The following CNTN3 variants were observed in gnomAD, a reference collection of about 807,000 sequenced individuals.
CNTN3 encodes the protein contactin 3.
A neutral mutation model predicts 119.1 loss-of-function variants in CNTN3; 60 were observed. The observed-to-expected ratio is 0.50, with a 90% confidence interval of 0.41 to 0.62. CNTN3 has a LOEUF of 0.62. Among genes scored for constraint, CNTN3 ranks in the 20% least tolerant of loss-of-function variants. The pLI, the probability that CNTN3 is intolerant of heterozygous loss-of-function variation, is 0.00. For synonymous variants in CNTN3, 450 were observed against 438.7 expected (o/e 1.03, Z -0.32); for missense variants, 1,101 against 1,242.4 (o/e 0.89, Z 1.71).
At chr3:74,550,735 T>A (rs924803140) in intron 1 of CNTN3, among the ~76,000 whole-genome samples, 3 of 152,066 alleles carry the variant, frequency 2.0e-5, no homozygotes, top group African/African-American at 7.2e-5. Context: ...AGAGATGGGG[T>A]CTTGCCATGT....
intron 11 of CNTN3, among the ~76,000 whole-genome samples, chr3:74,347,205 A>G (rs1703712442): frequency 6.6e-6 from 1 of 152,178 alleles, no homozygotes; most frequent in Non-Finnish European, 1.5e-5. Flanking sequence ...AGCCAGCTCT[A>G]CCTCAAGAAT....
At chr3:74,560,095 C>T (rs1704130534) in intron 1 of CNTN3, among the ~76,000 whole-genome samples, 1 of 152,152 alleles carries the variant, frequency 6.6e-6, no homozygotes, top group Non-Finnish European at 1.5e-5. Flanking sequence ...CCTGCTCAGG[C>T]TGTGAAACGA....
At chr3:74,510,235 T>G (rs1284754733) in intron 2 of CNTN3, among the ~76,000 whole-genome samples, 1 of 144,864 alleles carries the variant, frequency 6.9e-6, no homozygotes, top group Non-Finnish European at 1.5e-5. Flanking sequence ...CTGTAATTTA[T>G]GCATCCAACT....
chr3:74,351,521 C>G (rs1263549562), intron 11 of CNTN3, among the ~76,000 whole-genome samples: 1 of 152,220 alleles, frequency 6.6e-6, no homozygotes, highest in Non-Finnish European at 1.5e-5. Context: ...CCACATCTTT[C>G]TGATTTCCAT....
intron 11 of CNTN3, among the ~76,000 whole-genome samples, chr3:74,339,844 G>T (rs1703487582): frequency 6.6e-6 from 1 of 151,930 alleles, no homozygotes; most frequent in African/African-American, 2.4e-5. Flanking sequence ...CAGAAAGTGT[G>T]CAGACTAATA....
intron 1 of CNTN3, among the ~76,000 whole-genome samples, chr3:74,558,151 TC>T (rs1344127044): frequency 6.6e-6 from 1 of 152,130 alleles, no homozygotes; most frequent in Non-Finnish European, 1.5e-5. Flanking sequence ...GAAAGCCCAG[TC>T]CCCTGCCTTA....
chr3:74,509,968 A>T (rs1400601896), intron 2 of CNTN3, among the ~76,000 whole-genome samples: 1 of 151,736 alleles, frequency 6.6e-6, no homozygotes, highest in Non-Finnish European at 1.5e-5. Context: ...GAAGATAGTG[A>T]CCATATTTAA....
intron 13 of CNTN3, among the ~76,000 whole-genome samples, chr3:74,323,625 T>TA (rs1306906502): frequency 2.0e-5 from 3 of 152,302 alleles, no homozygotes; most frequent in Admixed American, 6.5e-5. Context: ...ATAAAGCCAT[T>TA]AAAAAACTAC....
intron 19 of CNTN3, among the ~76,000 whole-genome samples, chr3:74,287,519 A>G (rs1475232477): frequency 1.3e-5 from 2 of 152,214 alleles, no homozygotes; most frequent in African/African-American, 4.8e-5. Context: ...TAGATTTTCA[A>G]AGACAAATAT....
rs570631106 is a variant in CNTN3 at position 74,291,300 on chromosome 3, T to C, written c.2517+3821A>G. Reference sequence around the variant, plus strand: ...CACATTTTCTTAATCCAGTCTATCATTGATGGACATTTGGGTTGGTTCCAA... The same window carrying C: ...CACATTTTCTTAATCCAGTCTATCACTGATGGACATTTGGGTTGGTTCCAA... On this transcript the variant is annotated intron_variant, in intron 19 of 22. Transcript: ENST00000263665. 3.0e-3 allele frequency among the ~76,000 whole-genome samples: 460 copies of C among 152,294 alleles called. 1 individual carries two copies. Among genetic ancestry groups the C allele is most frequent in the Non-Finnish European group, 5.2e-3 (351 of 68,030 alleles).
chr3:74,585,732 A>G (rs1293457898), intron 1 of CNTN3, among the ~76,000 whole-genome samples: 2 of 152,160 alleles, frequency 1.3e-5, no homozygotes, highest in African/African-American at 2.4e-5. Flanking sequence ...TTCATGATCA[A>G]AAATACCAAA....
At chr3:74,440,074 G>A (rs1014698918) in intron 4 of CNTN3, among the ~76,000 whole-genome samples, 31 of 152,204 alleles carry the variant, frequency 2.0e-4, no homozygotes, top group African/African-American at 7.2e-4. Context: ...GGGTATAACT[G>A]GCTTCCATTA....
intron 2 of CNTN3, among the ~76,000 whole-genome samples, chr3:74,507,922 G>T (rs563478285): frequency 6.6e-6 from 1 of 151,564 alleles, no homozygotes; most frequent in African/African-American, 2.4e-5. Flanking sequence ...ATGAGCCACC[G>T]CGCCTGGCCT....
intron 4 of CNTN3, among the ~76,000 whole-genome samples, chr3:74,485,149 T>A (rs1459568635): frequency 1.3e-5 from 2 of 151,528 alleles, no homozygotes; most frequent in African/African-American, 4.9e-5. Flanking sequence ...ATATATATAT[T>A]CCTATATACA....
chr3:74,500,640 G>A (rs991890527), intron 2 of CNTN3, among the ~76,000 whole-genome samples: 1 of 151,516 alleles, frequency 6.6e-6, no homozygotes, highest in Non-Finnish European at 1.5e-5. Flanking sequence ...GTCAGACAAA[G>A]AAAACGAGAT....
intron 13 of CNTN3, among the ~76,000 whole-genome samples, chr3:74,319,538 T>C (rs1282666917): frequency 6.6e-6 from 1 of 152,222 alleles, no homozygotes; most frequent in South Asian, 2.1e-4. Flanking sequence ...AAGACTTACA[T>C]GTTAGACCTA....
intron 1 of CNTN3, among the ~76,000 whole-genome samples, chr3:74,599,983 G>A (rs954578690): frequency 6.6e-6 from 1 of 152,080 alleles, no homozygotes; most frequent in African/African-American, 2.4e-5. Context: ...ACCATTAAGA[G>A]CATTCCAGGC....
Position 74,308,053 on chromosome 3 carries a change from A to G in CNTN3, c.1669-5246T>C, listed in dbSNP as rs9818614. On this transcript the variant is annotated intron_variant, in intron 13 of 22. Coordinates refer to ENST00000263665, the MANE Select transcript of CNTN3 (RefSeq NM_020872.3). ...TCTCCAGGTGCCTTGAAAACAGTCG[A>G]ACCTGTAAGTTCCTTCTGGAACCTG... is the stretch of plus-strand genomic sequence containing the variant. Among the ~76,000 whole-genome samples, 989 of 152,166 alleles carry G rather than the reference A, an allele frequency of 6.5e-3. 14 individuals carry two copies. The highest frequency in any genetic ancestry group is 0.023 in the African/African-American group (954 of 41,524).
chr3:74,476,558 C>T (rs938168720), intron 4 of CNTN3, among the ~76,000 whole-genome samples: 3 of 152,122 alleles, frequency 2.0e-5, no homozygotes, highest in Non-Finnish European at 2.9e-5. Flanking sequence ...TTCACTACAA[C>T]AAGAGTCAGC....
Sources: gnomAD v4.1 joint callset for allele counts (sites outside exome capture counted in the v4.1 genomes callset) on GRCh38, gnomAD v4.1.1 for gene constraint, MANE v1.5 for transcripts, NCBI Gene and HGNC (gene_info 2026-07-23, HGNC 2026-07-21) for gene names.